The following ZNF385D variants were observed in gnomAD, a reference collection of about 807,000 sequenced individuals.
ZNF385D encodes zinc finger protein 659.
A neutral mutation model predicts 35.8 loss-of-function variants in ZNF385D; 15 were observed. That is an observed-to-expected ratio of 0.42 (90% CI 0.28 to 0.64). The LOEUF is 0.64. ZNF385D is among the 30% of genes least tolerant of loss of function. The pLI is 0.23. For synonymous variants in ZNF385D, 212 were observed against 186.8 expected (o/e 1.13, Z -1.10); for missense variants, 474 against 494.6 (o/e 0.96, Z 0.39).
chr3:21,888,788 G>C (rs1040496723), intron 3 of ZNF385D, among the ~76,000 whole-genome samples: 8 of 152,308 alleles, frequency 5.3e-5, no homozygotes, highest in African/African-American at 1.7e-4. Flanking sequence ...TAGGTGGCGA[G>C]TTTTCCCAAA....
At chr3:21,710,879 G>A (rs1438801268) in intron 1 of ZNF385D, among the ~76,000 whole-genome samples, 1 of 151,946 alleles carries the variant, frequency 6.6e-6, no homozygotes, top group African/African-American at 2.4e-5. Flanking sequence ...GTTCTTCTTA[G>A]AATTCAGCCA....
chr3:22,194,511 T>A, intron 2 of ZNF385D, among the ~76,000 whole-genome samples: 1 of 152,108 alleles, frequency 6.6e-6, no homozygotes, highest in African/African-American at 2.4e-5. Context: ...TTTAATCCAC[T>A]GCTTTTAGTT....
At position 21,501,032 on chromosome 3, in the gene ZNF385D, A is replaced by G. The variant is rs920037466; in HGVS notation, c.439+9829T>C. The stretch of plus-strand genomic sequence containing the variant: ...GAACATCACTGCACCCCGCATTTGC[A>G]TTAGAAGGCTAGGGTGGGAGGGCCA... On this transcript the variant is annotated intron_variant, in intron 4 of 7. Coordinates refer to ENST00000281523, the MANE Select transcript of ZNF385D (RefSeq NM_024697.3). 6.6e-5 allele frequency among the ~76,000 whole-genome samples: 10 copies of G among 152,234 alleles called. No individual in the cohort carries two copies. In the East Asian group the frequency reaches 1.9e-3, roughly 29 times the overall value.
intron 3 of ZNF385D, among the ~76,000 whole-genome samples, chr3:21,781,235 A>G (rs539728113): frequency 9.3e-4 from 142 of 152,202 alleles, no homozygotes; most frequent in Non-Finnish European, 1.6e-3. Context: ...AAAGGAAAAG[A>G]AGGAGCTTTA....
At chr3:21,895,319 CTTTTTT>C (rs34167369) in intron 3 of ZNF385D, among the ~76,000 whole-genome samples, 3 of 62,690 alleles carry the variant, frequency 4.8e-5, no homozygotes, top group African/African-American at 6.4e-5. Flanking sequence ...AAATGTGTGG[CTTTTTT>C]TTTTTTTTTT....
intron 3 of ZNF385D, among the ~76,000 whole-genome samples, chr3:21,875,816 T>A (rs949784873): frequency 2.5e-5 from 3 of 121,858 alleles, no homozygotes; most frequent in Non-Finnish European, 3.7e-5. Flanking sequence ...GTACAGCTCT[T>A]ATGGAAGCAC....
At chr3:21,748,541 G>C (rs1429319745) in intron 1 of ZNF385D, among the ~76,000 whole-genome samples, 1 of 152,108 alleles carries the variant, frequency 6.6e-6, no homozygotes, top group Non-Finnish European at 1.5e-5. Flanking sequence ...ACGCTCTGCT[G>C]GGGACACAAA....
At chr3:22,224,809 C>T (rs890260082) in intron 2 of ZNF385D, among the ~76,000 whole-genome samples, 3 of 152,214 alleles carry the variant, frequency 2.0e-5, no homozygotes, top group Non-Finnish European at 1.5e-5. Flanking sequence ...TGGGCACCCA[C>T]TGCTCCCTGC....
At chr3:21,730,768 C>G (rs1337109305) in intron 1 of ZNF385D, among the ~76,000 whole-genome samples, 1 of 152,136 alleles carries the variant, frequency 6.6e-6, no homozygotes, top group Non-Finnish European at 1.5e-5. Flanking sequence ...ATTTTTTCTC[C>G]CCAGAGGATT....
rs2066313789 is a variant in ZNF385D at position 21,663,906 on chromosome 3, TA to T, written c.165+979del. Among the ~76,000 whole-genome samples, 10 of 122,350 alleles carry T rather than the reference TA, an allele frequency of 8.2e-5. 1 individual carries two copies. Among genetic ancestry groups the T allele is most frequent in the East Asian group, 4.4e-4 (2 of 4,586 alleles). The allele number at this position is 122,350 out of a possible 152,430, so 80.3% of individuals were successfully genotyped here. Reference sequence around the variant, plus strand: ...TGTGGGCCGAATATATATATATATATATATATATATATTTATTTATTTAAAT... The same window carrying T: ...TGTGGGCCGAATATATATATATATATTATATATATATTTATTTATTTAAAT... On this transcript the variant is annotated intron_variant, in intron 2 of 7. Coordinates refer to ENST00000281523, the MANE Select transcript of ZNF385D (RefSeq NM_024697.3).
chr3:22,354,694 C>T (rs1696069272), intron 2 of ZNF385D, among the ~76,000 whole-genome samples: 1 of 151,950 alleles, frequency 6.6e-6, no homozygotes, highest in Non-Finnish European at 1.5e-5. Context: ...TTATCATAAC[C>T]TTAATTTTAA....
chr3:21,880,732 A>G (rs1021818574), intron 3 of ZNF385D, among the ~76,000 whole-genome samples: 1 of 152,040 alleles, frequency 6.6e-6, no homozygotes, highest in African/African-American at 2.4e-5. Context: ...AAAAGCTGAT[A>G]CAGACTGAAA....
At chr3:21,738,315 A>G (rs2125513763) in intron 1 of ZNF385D, among the ~76,000 whole-genome samples, 1 of 152,332 alleles carries the variant, frequency 6.6e-6, no homozygotes, top group Non-Finnish European at 1.5e-5. Flanking sequence ...CATCTTGGGT[A>G]TGATCTGACT....
At chr3:21,540,877 A>T (rs1269996192) in intron 3 of ZNF385D, among the ~76,000 whole-genome samples, 1 of 152,066 alleles carries the variant, frequency 6.6e-6, no homozygotes, top group Non-Finnish European at 1.5e-5. Flanking sequence ...CTCCCTCCTC[A>T]CGAGGTAAGA....
intron 3 of ZNF385D, among the ~76,000 whole-genome samples, chr3:21,548,740 A>G (rs1422787502): frequency 3.3e-5 from 5 of 152,232 alleles, no homozygotes; most frequent in Non-Finnish European, 5.9e-5. Flanking sequence ...GTTGAAAACT[A>G]TCAGCTGATG....
At chr3:21,458,474 C>A (rs913790391) in intron 4 of ZNF385D, among the ~76,000 whole-genome samples, 4 of 151,372 alleles carry the variant, frequency 2.6e-5, no homozygotes, top group African/African-American at 9.7e-5. Context: ...AGAGAAAGAC[C>A]ATGTCTCAAG....
intron 4 of ZNF385D, among the ~76,000 whole-genome samples, chr3:21,509,925 T>C (rs1383482490): frequency 6.6e-6 from 1 of 152,174 alleles, no homozygotes; most frequent in Non-Finnish European, 1.5e-5. Context: ...TGTAATAAGG[T>C]TGTCGTAATC....
intron 1 of ZNF385D, among the ~76,000 whole-genome samples, chr3:21,730,350 T>A (rs192558829): frequency 1.3e-5 from 2 of 152,352 alleles, no homozygotes; most frequent in Admixed American, 1.3e-4. Flanking sequence ...CTCTCCAACA[T>A]TGTCTGGGCA....
At chr3:22,220,700 TAG>T (rs1183297721) in intron 2 of ZNF385D, among the ~76,000 whole-genome samples, 4 of 152,186 alleles carry the variant, frequency 2.6e-5, no homozygotes, top group African/African-American at 9.6e-5. Flanking sequence ...TGTGATTACA[TAG>T]ACTCTTATAG....
Sources: gnomAD v4.1 joint callset for allele counts (sites outside exome capture counted in the v4.1 genomes callset) on GRCh38, gnomAD v4.1.1 for gene constraint, MANE v1.5 for transcripts, NCBI Gene and HGNC (gene_info 2026-07-23, HGNC 2026-07-21) for gene names.